Variants in ATG2A observed in about 807,000 individuals in gnomAD.
ATG2A encodes autophagy related 2A, also known as autophagy-related protein 2 homolog A.
Under a neutral mutation model 214.2 loss-of-function variants are expected in ATG2A, and 103 were observed. That is an observed-to-expected ratio of 0.48 (90% CI 0.41 to 0.57). The LOEUF is 0.57. Ranked by LOEUF, ATG2A falls within the 20% of genes least tolerant of loss-of-function variation. The probability of loss-of-function intolerance (pLI) is 0.00; values close to 1 mark genes in which losing one functional copy is unlikely to be tolerated. For missense variants in ATG2A, 2,312 were observed against 2,613.2 expected (o/e 0.88, Z 2.51); for synonymous variants, 1,160 against 1,142.1 (o/e 1.02, Z -0.32).
In ATG2A at chr11:64,913,177, T is replaced by C. The variant is rs754793591; in HGVS notation, c.727-41A>G. 9 of 1,601,062 alleles carry C rather than the reference T, an allele frequency of 5.6e-6. No homozygotes were observed. Among genetic ancestry groups the C allele is most frequent in the Non-Finnish European group, 8.5e-7 (1 of 1,172,906 alleles). The stretch of plus-strand genomic sequence containing the variant: ...ATACAAGAGGGAAAGGTTGAGAAAA[T>C]GGAGTCAGAGATGGTCAGAAAGGAT... On this transcript the variant is annotated intron_variant, in intron 5 of 40. Coordinates refer to ENST00000377264, the MANE Select transcript of ATG2A (RefSeq NM_015104.3). The surrounding 1 kb of genome is among the most constrained non-coding windows in gnomAD (Gnocchi z 4.3).
rs149909372 is a variant in ATG2A, at chr11:64,910,834, C to G, written c.1587G>C (p.Arg529=). Residue 529 remains arginine, a synonymous_variant, in exon 11 of 41, where the codon CGG becomes CGC. Coordinates refer to ENST00000377264, the MANE Select transcript of ATG2A (RefSeq NM_015104.3). The stretch of plus-strand genomic sequence containing the variant: ...CCGTGTACTCAGGCTCAGAGGTGCC[C>G]CGGGGCCACAGACACTCCAGCACCT... ...QLEVLECLWP[R]GTSEPEYTEI... 821 of 1,609,364 alleles carry G rather than the reference C, an allele frequency of 5.1e-4. 9 individuals are homozygous for G. In the African/African-American group the frequency reaches 8.2e-3, roughly 16 times the overall value.
chr11:64,910,237 C>T (rs1944717338), intron 12 of ATG2A, 42 bp from the exon 13 acceptor site: 2 of 1,539,756 alleles, frequency 1.3e-6, no homozygotes, highest in East Asian at 2.3e-5. Flanking sequence ...CTGAGTGGTA[C>T]TCAGCGGGTG....
chr11:64,903,406 C>G lies in ATG2A; in HGVS notation c.3536-42G>C. ...AGAAAGGTCCTGTGGCCCCCTTCCA[C>G]CCGGCCCCGGCCCCAGCACCTGGGG... is the stretch of plus-strand genomic sequence containing the variant. On this transcript the variant is annotated intron_variant, in intron 25 of 40. Transcript: ENST00000377264. This position sits in a 1 kb window ranked among gnomAD's most constrained non-coding sequence, Gnocchi z 4.2. 1 of 1,602,708 alleles carries G rather than the reference C, an allele frequency of 6.2e-7. No homozygotes were observed. The highest frequency in any genetic ancestry group is 8.5e-7 in the Non-Finnish European group (1 of 1,170,950).
chr11:64,912,531 C>G (rs1590657651), intron 6 of ATG2A, 108 bp from the exon 7 acceptor site: 2 of 918,334 alleles, frequency 2.2e-6, no homozygotes, highest in Non-Finnish European at 3.2e-6. Context: ...GGCTACCAAA[C>G]TAAACTCTGT....
At chr11:64,896,437 G>A (rs1322218789) in intron 39 of ATG2A, 25 bp downstream of exon 39, 1 of 1,594,852 alleles carries the variant, frequency 6.3e-7, no homozygotes, top group South Asian at 1.1e-5. Flanking sequence ...GTCCTGCACA[G>A]CCCAGATACA....
chr11:64,897,456 G>T lies in ATG2A; in HGVS notation c.5106C>A (p.Leu1702=). The change falls in exon 37 of 41, where the codon CTC becomes CTA. Residue 1702 remains leucine, a synonymous_variant. Coordinates refer to ENST00000377264, the MANE Select transcript of ATG2A (RefSeq NM_015104.3). ...FAGLLIGLAQ[L]NCSELKLKRL... Reference sequence around the variant, plus strand: ...GCTTTAGCTTCAGCTCGGAGCAGTTGAGTTGGGCCAGGCCGATGAGGAGGC... The same window carrying T: ...GCTTTAGCTTCAGCTCGGAGCAGTTTAGTTGGGCCAGGCCGATGAGGAGGC... The T allele has an allele frequency of 6.3e-7, 1 of 1,576,280 alleles. No individual in the cohort carries two copies. Among genetic ancestry groups the T allele is most frequent in the Non-Finnish European group, 8.6e-7 (1 of 1,160,740 alleles).
chr11:64,909,802 C>T lies in ATG2A; in HGVS notation c.1986G>A (p.Gln662=), dbSNP rs1334097432. The change falls in exon 14 of 41, where the codon CAG becomes CAA. Residue 662 remains glutamine (Q), a synonymous_variant. Coordinates refer to ENST00000377264, the MANE Select transcript of ATG2A (RefSeq NM_015104.3). ...LRPEPDPWAG[Q]AVRAEQLRLE... is the part of the protein sequence containing the mutation. Reference sequence around the variant, plus strand: ...GCCGAAGCTGCTCAGCCCGCACGGCCTGGCCCGCCCAGGGGTCCGGCTCAG... The same window carrying T: ...GCCGAAGCTGCTCAGCCCGCACGGCTTGGCCCGCCCAGGGGTCCGGCTCAG... 2 of 1,612,032 alleles carry T rather than the reference C, an allele frequency of 1.2e-6. No individual in the cohort carries two copies. Among genetic ancestry groups the T allele is most frequent in the African/African-American group, 1.3e-5 (1 of 75,068 alleles).
In ATG2A at chr11:64,906,778, T is replaced by C. The variant is rs1590642674; in HGVS notation, c.2870A>G (p.Glu957Gly). The change falls in exon 20 of 41, where the codon GAG (glutamate) becomes GGG (glycine). Residue 957 changes from glutamate to glycine, a missense_variant. Coordinates refer to ENST00000377264, the MANE Select transcript of ATG2A (RefSeq NM_015104.3). ...ACCGTGCTCCATGTCCAGCACCAGC[T>C]CCCCGTGCACAGCCTCCAGCCGCTT... ...GGKRLEAVHG[E>G]LVLDMEHGTL... 1 of 1,613,114 alleles carries C rather than the reference T, an allele frequency of 6.2e-7. No homozygotes were observed. The highest frequency in any genetic ancestry group is 8.5e-7 in the Non-Finnish European group (1 of 1,179,930).
chr11:64,894,912 A>T lies in ATG2A; in HGVS notation c.*61T>A. On this transcript the variant is annotated 3_prime_UTR_variant, in exon 41 of 41. Coordinates refer to ENST00000377264, the MANE Select transcript of ATG2A (RefSeq NM_015104.3). The stretch of plus-strand genomic sequence containing the variant: ...AGGCCGGGCCGGGCCCGTGGGCTGC[A>T]GCTCTTGGGAGGCTCAGGAGCATGG... 2 of 1,587,296 alleles carry T rather than the reference A, an allele frequency of 1.3e-6. No individual in the cohort carries two copies. The highest frequency in any genetic ancestry group is 2.2e-5 in the South Asian group (2 of 90,606).
At position 64,912,041 on chromosome 11, in the gene ATG2A, C is replaced by A. The variant is rs1166589863; in HGVS notation, c.1087+44G>T. The A allele has an allele frequency of 1.9e-6, 3 of 1,612,798 alleles. No individual in the cohort carries two copies. In the East Asian group the frequency reaches 6.7e-5, roughly 36 times the overall value. On this transcript the variant is annotated intron_variant, in intron 8 of 40. Coordinates refer to ENST00000377264, the MANE Select transcript of ATG2A (RefSeq NM_015104.3). ...GACCCCAGCCCCTAGGCTGCTGCAC[C>A]CACACTAGCTGCCCCTCCAACCACG... is the stretch of plus-strand genomic sequence containing the variant.
At position 64,895,428 on chromosome 11, in the gene ATG2A, G is replaced by A. The variant is rs375146931; in HGVS notation, c.5442C>T (p.Thr1814=). The change falls in exon 40 of 41, where the codon ACC becomes ACT. Residue 1814 remains threonine, a synonymous_variant. Transcript: ENST00000377264. This position sits in a 1 kb window ranked among gnomAD's most constrained non-coding sequence, Gnocchi z 5.0. ...LVQAIQATAE[T]VYDILSPAAP... ...CTGCCGGGGACAGGATGTCATACAC[G>A]GTCTCAGCTGTGGCCTGGGGGACAT... The A allele has an allele frequency of 3.1e-6, 5 of 1,592,404 alleles. No individual in the cohort carries two copies. Among genetic ancestry groups the A allele is most frequent in the East Asian group, 2.3e-5 (1 of 44,320 alleles).
Position 64,897,573 on chromosome 11 carries a change from C to T in ATG2A, c.5068-79G>A, listed in dbSNP as rs562615406. The T allele has an allele frequency of 2.1e-5, 33 of 1,603,836 alleles. No individual in the cohort carries two copies. In the South Asian group the frequency reaches 3.5e-4, roughly 17 times the overall value. On this transcript the variant is annotated intron_variant, in intron 36 of 40. Coordinates refer to ENST00000377264, the MANE Select transcript of ATG2A (RefSeq NM_015104.3). Reference sequence around the variant, plus strand: ...GCCCATGGGAGCCACTGGAGAGCGCCCTGGCTGCTAACAGTGCCTGGATGC... The same window carrying T: ...GCCCATGGGAGCCACTGGAGAGCGCTCTGGCTGCTAACAGTGCCTGGATGC...
In ATG2A at chr11:64,913,825, G is replaced by C; in HGVS notation, c.586C>G (p.Gln196Glu). The C allele has an allele frequency of 6.2e-7, 1 of 1,612,940 alleles. No homozygotes were observed. The highest frequency in any genetic ancestry group is 8.5e-7 in the Non-Finnish European group (1 of 1,179,904). ...CCCAGATCGGCCTGCCCTTACCTCT[G>C]CACACGGACCTCGACGGCCACACCA... ...ERGVAVEVRV[Q>E]RLEYCDEAVR... The change falls in exon 4 of 41, where the codon CAG (glutamine) becomes GAG (glutamate). Residue 196 changes from glutamine (Q) to glutamate (E), a missense_variant. Coordinates refer to ENST00000377264, the MANE Select transcript of ATG2A (RefSeq NM_015104.3). The surrounding 1 kb of genome is among the most constrained non-coding windows in gnomAD (Gnocchi z 4.3).
chr11:64,905,917 G>T, intron 22 of ATG2A, 69 bp from the exon 23 acceptor site: 4 of 1,502,578 alleles, frequency 2.7e-6, no homozygotes, highest in Non-Finnish European at 2.8e-6. Context: ...ACCCCTCCCT[G>T]TCCTGGCCCC....
intron 20 of ATG2A, 65 bp from the exon 21 acceptor site, chr11:64,906,598 A>C: frequency 1.9e-6 from 3 of 1,608,662 alleles, no homozygotes; most frequent in African/African-American, 1.3e-5. Context: ...CAGGGCCCAC[A>C]TCCGTCCTGA....
chr11:64,914,068 G>A lies in ATG2A; in HGVS notation c.487+13C>T. 3 of 1,537,142 alleles carry A rather than the reference G, an allele frequency of 2.0e-6. No individual in the cohort carries two copies. The highest frequency in any genetic ancestry group is 2.4e-5 in the South Asian group (2 of 82,320). ...AGGGCAGGAGACAGGGCGGCCAGGA[G>A]GGGCCTGCTCACCAGTCTCAATGGT... On this transcript the variant is annotated intron_variant, in intron 3 of 40. Transcript: ENST00000377264.
chr11:64,913,163 A>G lies in ATG2A; in HGVS notation c.727-27T>C, dbSNP rs75277213. On this transcript the variant is annotated intron_variant, in intron 5 of 40. Transcript: ENST00000377264. This position sits in a 1 kb window ranked among gnomAD's most constrained non-coding sequence, Gnocchi z 4.3. ...TGGGAGACGGGAGGATACAAGAGGG[A>G]AAGGTTGAGAAAATGGAGTCAGAGA... is the stretch of plus-strand genomic sequence containing the variant. The G allele has an allele frequency of 9.6e-3, 15,376 of 1,594,778 alleles. 1,126 individuals are homozygous for G. In the African/African-American group the frequency reaches 0.17, roughly 18 times the overall value.
In ATG2A at chr11:64,897,458, G is replaced by A. The variant is rs138593984; in HGVS notation, c.5104C>T (p.Leu1702Phe). ...FAGLLIGLAQLNCSELKLKRL... is the reference protein window; with the variant it reads ...FAGLLIGLAQFNCSELKLKRL... Reference sequence around the variant, plus strand: ...TTTAGCTTCAGCTCGGAGCAGTTGAGTTGGGCCAGGCCGATGAGGAGGCCA... The same window carrying A: ...TTTAGCTTCAGCTCGGAGCAGTTGAATTGGGCCAGGCCGATGAGGAGGCCA... Residue 1702 changes from leucine (L) to phenylalanine (F), a missense_variant, in exon 37 of 41, where the codon CTC (leucine) becomes TTC (phenylalanine). Transcript: ENST00000377264. 121 of 1,576,462 alleles carry A rather than the reference G, an allele frequency of 7.7e-5. 2 individuals are homozygous for A. The African/African-American group carries it at 1.2e-3, about 16-fold the overall frequency.
rs1019394876 is a variant in ATG2A, at chr11:64,911,700, T to C, written c.1228+142A>G. On this transcript the variant is annotated intron_variant, in intron 9 of 40. Coordinates refer to ENST00000377264, the MANE Select transcript of ATG2A (RefSeq NM_015104.3). ...ACTCTATCACCAGCTCCCACCTTGTTTGGTCCCCAGGGAACCAAGTCACAG... is the reference window on the plus strand; with the variant it reads ...ACTCTATCACCAGCTCCCACCTTGTCTGGTCCCCAGGGAACCAAGTCACAG... 10 of 1,219,660 alleles carry C rather than the reference T, an allele frequency of 8.2e-6. No homozygotes were observed. The African/African-American group carries it at 1.2e-4, about 15-fold the overall frequency. The allele number at this position is 1,219,660 out of a possible 1,614,324, so 75.6% of individuals were successfully genotyped here.
Sources: gnomAD v4.1 joint callset for allele counts on GRCh38, gnomAD v4.1.1 for gene constraint, Gnocchi (gnomAD v3.1) non-coding constraint, MANE v1.5 for transcripts, NCBI Gene and HGNC (gene_info 2026-07-23, HGNC 2026-07-21) for gene names.